The following MACF1 variants were observed in gnomAD, a reference collection of about 807,000 sequenced individuals.
MACF1 encodes the protein microtubule actin crosslinking factor 1, also known as microtubule-actin cross-linking factor 1.
In MACF1, 193 loss-of-function variants were observed where a neutral mutation model predicts 854.8. The ratio of observed to expected loss-of-function variants is 0.23; its 90% CI spans 0.20 to 0.25. MACF1 has a LOEUF of 0.25. MACF1 is among the 10% of genes least tolerant of loss of function. The pLI is 1.00. For synonymous variants in MACF1, 3,185 were observed against 3,226.7 expected (o/e 0.99, Z 0.44); for missense variants, 7,722 against 8,929.1 (o/e 0.86, Z 5.45).
intron 50 of MACF1, among the ~76,000 whole-genome samples, chr1:39,368,810 GT>G (rs901052012): frequency 2.0e-5 from 3 of 151,470 alleles, no homozygotes; most frequent in Admixed American, 6.6e-5. Context: ...CCACTTAGTG[GT>G]TTTTCTAATA....
At chr1:39,129,890 C>T (rs1457661809) in intron 2 of MACF1, among the ~76,000 whole-genome samples, 4 of 152,178 alleles carry the variant, frequency 2.6e-5, no homozygotes, top group Non-Finnish European at 4.4e-5. Flanking sequence ...TTCCACTCCT[C>T]CTCCCCTCCC....
chr1:39,166,188 C>T (rs1279839492), intron 2 of MACF1, among the ~76,000 whole-genome samples: 6 of 151,942 alleles, frequency 3.9e-5, no homozygotes, highest in Admixed American at 2.6e-4. Flanking sequence ...CTGCGTCAGC[C>T]TCCCGAGTAG....
intron 58 of MACF1, chr1:39,413,062 G>T: frequency 6.3e-7 from 1 of 1,596,670 alleles, no homozygotes; most frequent in Non-Finnish European, 8.5e-7. Context: ...AGAGGAGACT[G>T]CTCCAGCTGT....
intron 2 of MACF1, among the ~76,000 whole-genome samples, chr1:39,112,074 TG>T (rs1464129377): frequency 6.6e-6 from 1 of 150,826 alleles, no homozygotes; most frequent in Admixed American, 6.6e-5. Flanking sequence ...TCTCCCTTCC[TG>T]ATTATTCAAA....
At position 39,331,349 on chromosome 1, in the gene MACF1, T is replaced by C. The variant is rs773683131; in HGVS notation, c.4761T>C (p.Pro1587=). The C allele has an allele frequency of 6.2e-7, 1 of 1,614,050 alleles. No individual in the cohort carries two copies. Among genetic ancestry groups the C allele is most frequent in the Non-Finnish European group, 8.5e-7 (1 of 1,180,006 alleles). Residue 1587 remains proline, a synonymous_variant, in exon 37 of 101, where the codon CCT becomes CCC. Coordinates refer to ENST00000564288, the MANE Select transcript of MACF1 (RefSeq NM_001394062.1). ...SQVIMSGLIA[P]ETGENLSLEE... Reference sequence around the variant, plus strand: ...TTATCATGTCTGGCCTCATTGCCCCTGAGACGGGTGAAAACCTCTCTTTGG... The same window carrying C: ...TTATCATGTCTGGCCTCATTGCCCCCGAGACGGGTGAAAACCTCTCTTTGG...
Position 39,441,383 on chromosome 1 carries a change from G to A in MACF1, c.18672+58G>A, listed in dbSNP as rs950033603. 29 of 1,420,736 alleles carry A rather than the reference G, an allele frequency of 2.0e-5. 1 individual carries two copies. Among genetic ancestry groups the A allele is most frequent in the African/African-American group, 1.1e-4 (8 of 70,824 alleles). 88.0% of individuals were successfully genotyped at this position (1,420,736 alleles called of 1,614,324 possible). On this transcript the variant is annotated intron_variant, in intron 74 of 100. Transcript: ENST00000564288. ...ACAGGTTCTGTTTTTTGCCATTTTT[G>A]TCATTTTTGGAATTAAGCACAAAAG... is the stretch of plus-strand genomic sequence containing the variant.
intron 61 of MACF1, among the ~76,000 whole-genome samples, chr1:39,425,644 A>G (rs780648466): frequency 1.3e-5 from 2 of 152,174 alleles, no homozygotes; most frequent in South Asian, 4.1e-4. Flanking sequence ...TCTTCTGACA[A>G]TGTCCTAACC....
At position 39,435,589 on chromosome 1, in the gene MACF1, C is replaced by T; in HGVS notation, c.17816C>T (p.Pro5939Leu). The T allele has an allele frequency of 1.9e-6, 3 of 1,613,984 alleles. No homozygotes were observed. The highest frequency in any genetic ancestry group is 2.5e-6 in the Non-Finnish European group (3 of 1,179,974). Residue 5939 changes from proline to leucine, a missense_variant, in exon 70 of 101, where the codon CCT (proline) becomes CTT (leucine). Coordinates refer to ENST00000564288, the MANE Select transcript of MACF1 (RefSeq NM_001394062.1). The part of the protein sequence containing the change: ...QLRESIAEHK[P>L]HIDKLLKIGP... ...AGGGAATCTATTGCTGAACACAAAC[C>T]TCATATTGACAAACTACTAAAGATA...
chr1:39,144,035 G>A (rs1034327209), intron 2 of MACF1, among the ~76,000 whole-genome samples: 22 of 148,326 alleles, frequency 1.5e-4, no homozygotes, highest in African/African-American at 3.5e-4. Context: ...TGATCCGCCC[G>A]CCTCGGCCAC....
intron 49 of MACF1, among the ~76,000 whole-genome samples, chr1:39,363,743 G>A (rs1411169779): frequency 6.6e-6 from 1 of 151,928 alleles, no homozygotes; most frequent in Admixed American, 6.6e-5. Context: ...CTCCCAAGAA[G>A]CTGGGATTAT....
intron 30 of MACF1, 53 bp downstream of exon 30, chr1:39,318,668 A>G: frequency 6.7e-7 from 1 of 1,489,146 alleles, no homozygotes; most frequent in Non-Finnish European, 8.9e-7. Flanking sequence ...AATTTTCTTT[A>G]TCATAAAAGA....
At chr1:39,324,802 A>C in intron 35 of MACF1, 68 bp downstream of exon 35, 1 of 1,194,278 alleles carries the variant, frequency 8.4e-7, no homozygotes, top group African/African-American at 1.5e-5. Context: ...ACTTACAGCC[A>C]TAATGAGATT....
intron 2 of MACF1, among the ~76,000 whole-genome samples, chr1:39,092,619 C>T (rs1357451170): frequency 1.2e-4 from 19 of 152,100 alleles, no homozygotes; most frequent in Non-Finnish European, 1.5e-5. Context: ...ACTCCAAAGC[C>T]CTGGCACTTT....
At chr1:39,360,080 TACACACATATATACACAC>T (rs1344738296) in intron 47 of MACF1, among the ~76,000 whole-genome samples, 1 of 123,680 alleles carries the variant, frequency 8.1e-6, no homozygotes, top group Non-Finnish European at 1.7e-5. Context: ...CATATGTATA[TACACACATATATACACAC>T]ACACACATAT....
chr1:39,413,924 C>CT, intron 58 of MACF1: 1 of 1,605,694 alleles, frequency 6.2e-7, no homozygotes, highest in African/African-American at 1.3e-5. Flanking sequence ...TCCCCGGCAG[C>CT]TTCAGTGCCC....
At chr1:39,150,481 T>C (rs892290226) in intron 2 of MACF1, among the ~76,000 whole-genome samples, 9 of 152,248 alleles carry the variant, frequency 5.9e-5, no homozygotes, top group Admixed American at 1.3e-4. Context: ...TAACATTATT[T>C]TATGTGCATT....
Position 39,324,974 on chromosome 1 carries a change from CAT to C in MACF1, c.4478+241_4478+242del, listed in dbSNP as rs1404613023. On this transcript the variant is annotated intron_variant, in intron 35 of 100. Transcript: ENST00000564288. ...AACAGTTATATGAAGAAAGGATTGACATGTGGTGAGAATAGAGGCTGAGAGGC... is the reference window on the plus strand; with the variant it reads ...AACAGTTATATGAAGAAAGGATTGACGTGGTGAGAATAGAGGCTGAGAGGC... Among the ~76,000 whole-genome samples the C allele has an allele frequency of 3.9e-5, 6 of 152,300 alleles. No homozygotes were observed. In the East Asian group the frequency reaches 7.7e-4, roughly 20 times the overall value.
chr1:39,136,018 C>A (rs1247679408), intron 2 of MACF1, among the ~76,000 whole-genome samples: 2 of 152,120 alleles, frequency 1.3e-5, no homozygotes, highest in East Asian at 3.8e-4. Context: ...GATATATGTA[C>A]CTATATGTGT....
intron 74 of MACF1, among the ~76,000 whole-genome samples, chr1:39,441,710 A>G (rs560016672): frequency 7.9e-5 from 12 of 152,300 alleles, no homozygotes; most frequent in African/African-American, 2.9e-4. Flanking sequence ...CTTTTATTCA[A>G]ATTTAGTATT....
Sources: allele counts gnomAD v4.1 joint callset (sites outside exome capture counted in the v4.1 genomes callset), GRCh38; gene constraint gnomAD v4.1.1; transcripts MANE v1.5; gene names NCBI Gene and HGNC (gene_info 2026-07-23, HGNC 2026-07-21).